The following TASP1 variants were observed in gnomAD, a reference collection of about 807,000 sequenced individuals.
TASP1 encodes taspase 1, also known as threonine aspartase 1.
TASP1 carries 16 observed loss-of-function variants against 56.6 expected under a neutral mutation model. The ratio of observed to expected loss-of-function variants is 0.28; its 90% CI spans 0.19 to 0.43. The LOEUF (loss-of-function observed/expected upper bound fraction) is 0.43. Among genes scored for constraint, TASP1 ranks in the 20% least tolerant of loss-of-function variants. The pLI, the probability that TASP1 is intolerant of heterozygous loss-of-function variation, is 1.00. For missense variants in TASP1, 393 were observed against 511.6 expected, an observed-to-expected ratio of 0.77 and a Z score of 2.24; for synonymous variants, 179 against 184.2, an observed-to-expected ratio of 0.97 and a Z score of 0.23.
At chr20:13,303,577 G>A in the TASP1 span, among the ~76,000 whole-genome samples, 1 of 152,188 alleles carries the variant, frequency 6.6e-6, no homozygotes, top group Non-Finnish European at 1.5e-5. Context: ...ACTGCACCTG[G>A]CATGCATAGT....
At chr20:13,104,810 T>G in the TASP1 span, among the ~76,000 whole-genome samples, 1 of 152,204 alleles carries the variant, frequency 6.6e-6, no homozygotes, top group Non-Finnish European at 1.5e-5. Context: ...TTTCCGTATC[T>G]CAGAATTTTC....
At chr20:13,577,163 C>A (rs1316182065) in intron 6 of TASP1, among the ~76,000 whole-genome samples, 2 of 152,016 alleles carry the variant, frequency 1.3e-5, no homozygotes, top group East Asian at 3.9e-4. Context: ...ACAAGGAGTA[C>A]ATGTTAAATC....
the TASP1 span, among the ~76,000 whole-genome samples, chr20:13,196,658 G>A: frequency 2.0e-5 from 3 of 152,106 alleles, no homozygotes; most frequent in African/African-American, 7.2e-5. Flanking sequence ...TTTTAATATT[G>A]ATTATAAGTT....
At chr20:13,292,177 A>G in the TASP1 span, among the ~76,000 whole-genome samples, 1 of 152,178 alleles carries the variant, frequency 6.6e-6, no homozygotes, top group East Asian at 1.9e-4. Context: ...CACGTTGCCA[A>G]TGTATCTGGG....
At chr20:13,173,929 C>G in the TASP1 span, among the ~76,000 whole-genome samples, 2 of 152,140 alleles carry the variant, frequency 1.3e-5, no homozygotes, top group Non-Finnish European at 2.9e-5. Flanking sequence ...GATGCATGTT[C>G]CTGGAGTCTC....
At chr20:13,321,347 T>C in the TASP1 span, among the ~76,000 whole-genome samples, 3 of 148,282 alleles carry the variant, frequency 2.0e-5, no homozygotes, top group Non-Finnish European at 4.4e-5. Context: ...CTAAACCACA[T>C]GAATACTGAT....
chr20:13,286,672 C>T, the TASP1 span, among the ~76,000 whole-genome samples: 1 of 152,182 alleles, frequency 6.6e-6, no homozygotes, highest in African/African-American at 2.4e-5. Flanking sequence ...CACCCCGCTC[C>T]TCCAATTCCA....
At chr20:13,615,502 G>GA (rs980209409) in intron 4 of TASP1, among the ~76,000 whole-genome samples, 4 of 132,216 alleles carry the variant, frequency 3.0e-5, no homozygotes, top group Non-Finnish European at 6.5e-5. Context: ...TGAGAATCTG[G>GA]TTTTTTTTTT....
the TASP1 span, among the ~76,000 whole-genome samples, chr20:13,340,499 T>A: frequency 6.6e-6 from 1 of 152,224 alleles, no homozygotes; most frequent in African/African-American, 2.4e-5. Context: ...CTTTTTTTTT[T>A]TGCTTAGATT....
chr20:13,115,140 T>G, the TASP1 span, among the ~76,000 whole-genome samples: 1 of 152,210 alleles, frequency 6.6e-6, no homozygotes, highest in African/African-American at 2.4e-5. Flanking sequence ...TTTGGCACTG[T>G]TTTTTGACAG....
At chr20:13,133,757 T>C in the TASP1 span, among the ~76,000 whole-genome samples, 905 of 152,102 alleles carry the variant, frequency 5.9e-3, 4 homozygotes, top group Non-Finnish European at 9.1e-3. Flanking sequence ...TGGGGTTTAT[T>C]TAGGGGAACT....
chr20:13,512,026 T>G (rs1417542311), intron 10 of TASP1, among the ~76,000 whole-genome samples: 3 of 152,130 alleles, frequency 2.0e-5, no homozygotes, highest in Non-Finnish European at 2.9e-5. Context: ...TTGGGTTGGT[T>G]CCAAGTCTCT....
the TASP1 span, among the ~76,000 whole-genome samples, chr20:13,325,951 T>C: frequency 6.6e-6 from 1 of 152,186 alleles, no homozygotes; most frequent in Non-Finnish European, 1.5e-5. Context: ...TAGTCCTATC[T>C]TACCACCTCT....
At chr20:13,189,194 T>C in the TASP1 span, among the ~76,000 whole-genome samples, 1 of 152,182 alleles carries the variant, frequency 6.6e-6, no homozygotes, top group South Asian at 2.1e-4. Flanking sequence ...TTATCAACTA[T>C]AAGAATCCTA....
At chr20:13,590,712 A>G (rs527745286) in intron 4 of TASP1, among the ~76,000 whole-genome samples, 78 of 152,062 alleles carry the variant, frequency 5.1e-4, no homozygotes, top group Admixed American at 9.2e-4. Context: ...CTAAAAATAC[A>G]AAAATTAGCT....
At chr20:13,443,156 T>C (rs1461590498) in intron 11 of TASP1, among the ~76,000 whole-genome samples, 1 of 152,236 alleles carries the variant, frequency 6.6e-6, no homozygotes, top group Non-Finnish European at 1.5e-5. Context: ...GATCTATTAC[T>C]ATACTGGCCT....
chr20:13,247,758 C>T, the TASP1 span, among the ~76,000 whole-genome samples: 4 of 152,090 alleles, frequency 2.6e-5, no homozygotes, highest in African/African-American at 9.7e-5. Context: ...CAGGAAGTGA[C>T]TTACAGCCCC....
At chr20:13,393,700 A>T (rs2041383302) in intron 13 of TASP1, 2 of 1,145,430 alleles carry the variant, frequency 1.7e-6, no homozygotes, top group East Asian at 4.8e-5. Context: ...AGCCCCAGCG[A>T]CAGCATGAAA....
chr20:13,393,485 G>C, intron 13 of TASP1: 1 of 784,364 alleles, frequency 1.3e-6, no homozygotes. Flanking sequence ...GCCCCCTCAA[G>C]GGCATCCTGG....
Sources: allele counts gnomAD v4.1 joint callset (sites outside exome capture counted in the v4.1 genomes callset), GRCh38; gene constraint gnomAD v4.1.1; transcripts MANE v1.5; gene names NCBI Gene and HGNC (gene_info 2026-07-23, HGNC 2026-07-21).